Variants in ZFAND2A observed in about 807,000 individuals in gnomAD.
ZFAND2A encodes the protein AN1-type zinc finger protein 2A.
ZFAND2A carries 20 observed loss-of-function variants against 11.6 expected under a neutral mutation model. The observed-to-expected ratio is 1.72, with a 90% CI of 1.21 to 2.50. ZFAND2A has a LOEUF of 2.50. ZFAND2A is among the 30% of genes most tolerant of loss of function. ZFAND2A has a pLI of 0.00. For missense variants in ZFAND2A, 234 were observed against 182.9 expected, an observed-to-expected ratio of 1.28 and a Z score of -1.61; for synonymous variants, 93 against 60.6, an observed-to-expected ratio of 1.54 and a Z score of -2.48.
At chr7:1,157,517 G>T (rs1793556942) in intron 3 of ZFAND2A, 139 bp downstream of exon 3, 1 of 796,018 alleles carries the variant, frequency 1.3e-6, no homozygotes, top group Non-Finnish European at 2.0e-6. Context: ...CTGAAACGAG[G>T]CTAGTGGGAC....
chr7:1,153,224 T>C lies in ZFAND2A; in HGVS notation c.283A>G (p.Ile95Val), dbSNP rs778388013. 1 of 1,610,574 alleles carries C rather than the reference T, an allele frequency of 6.2e-7. No homozygotes were observed. Among genetic ancestry groups the C allele is most frequent in the Admixed American group, 1.7e-5 (1 of 59,948 alleles). Reference sequence around the variant, plus strand: ...TCTTTTGAGCAACGGTATGTAAAAATCTAAGAGAGCAAAGTGACTTCAACA... The same window carrying C: ...TCTTTTGAGCAACGGTATGTAAAAACCTAAGAGAGCAAAGTGACTTCAACA... ...DSHPGKKKEK[I>V]FTYRCSKEGC... The change falls in exon 5 of 5, where the codon ATT (isoleucine) becomes GTT (valine). Residue 95 changes from isoleucine to valine, a missense_variant and splice_region_variant. Ile to Val is a conservative substitution (Grantham distance 29). Transcript: ENST00000316495.
At chr7:1,151,392 G>A (rs1371551649), downstream of ZFAND2A, among the ~76,000 whole-genome samples, 3 of 152,086 alleles carry the variant, frequency 2.0e-5, no homozygotes, top group Non-Finnish European at 4.4e-5. Flanking sequence ...TTCTTGGCCA[G>A]ATAGTCACAT....
At chr7:1,152,332 C>A, downstream of ZFAND2A, 1 of 1,573,820 alleles carries the variant, frequency 6.4e-7, no homozygotes, top group Non-Finnish European at 8.6e-7. Context: ...CAGAGACTGT[C>A]ATGGGTGAGC....
intron 4 of ZFAND2A, among the ~76,000 whole-genome samples, chr7:1,154,222 G>A (rs1157083900): frequency 1.3e-5 from 2 of 149,258 alleles, no homozygotes; most frequent in African/African-American, 2.5e-5. Flanking sequence ...GATGTAGGCA[G>A]CGATATAAAG....
chr7:1,149,705 A>G (rs1206727778), downstream of ZFAND2A, among the ~76,000 whole-genome samples: 2 of 152,220 alleles, frequency 1.3e-5, no homozygotes, highest in African/African-American at 4.8e-5. Flanking sequence ...AAATGCGTGC[A>G]GAGTGCTACT....
rs377100750 is a variant in ZFAND2A at position 1,155,449 on chromosome 7, T to C, written c.282+4A>G. 1.1e-5 allele frequency: 18 copies of C among 1,612,558 alleles called. 1 individual carries two copies. Among genetic ancestry groups the C allele is most frequent in the East Asian group, 2.2e-5 (1 of 44,834 alleles). On this transcript the variant is annotated splice_donor_region_variant and intron_variant, in intron 4 of 4. Transcript: ENST00000316495. ...GAAGGAACTGAGGCGGGCTCTGTCC[T>C]TACCTTCTCTTTCTTCTTCCCAGGG...
chr7:1,150,857 C>T (rs1793384509), downstream of ZFAND2A, among the ~76,000 whole-genome samples: 28 of 150,046 alleles, frequency 1.9e-4, no homozygotes, highest in African/African-American at 6.4e-4. Flanking sequence ...CAAAGCAGCT[C>T]TCGGGCTTGC....
downstream of ZFAND2A, among the ~76,000 whole-genome samples, chr7:1,150,115 A>G (rs1232503279): frequency 6.6e-6 from 1 of 152,054 alleles, no homozygotes; most frequent in Non-Finnish European, 1.5e-5. Flanking sequence ...AATATGTACA[A>G]TTATGTCAAT....
At chr7:1,150,297 C>T (rs1189636509), downstream of ZFAND2A, among the ~76,000 whole-genome samples, 2 of 151,920 alleles carry the variant, frequency 1.3e-5, no homozygotes, top group East Asian at 3.9e-4. Flanking sequence ...AAACCCTTCC[C>T]GTTACATTTT....
intron 2 of ZFAND2A, 66 bp downstream of exon 2, chr7:1,158,092 T>G: frequency 6.7e-7 from 1 of 1,493,412 alleles, no homozygotes; most frequent in Non-Finnish European, 9.3e-7. Flanking sequence ...ATCAGCTAAT[T>G]AACAGAACAG....
chr7:1,154,907 G>C (rs10279766), intron 4 of ZFAND2A, among the ~76,000 whole-genome samples: 41,449 of 151,968 alleles, frequency 0.27, 5,967 homozygotes, highest in African/African-American at 0.37. Context: ...ATCATAAGGT[G>C]AGGAGTTCAA....
rs536443627 is a variant in ZFAND2A at position 1,158,402 on chromosome 7, C to T, written c.-45-145G>A. The T allele has an allele frequency of 1.5e-4, 87 of 576,958 alleles. No homozygotes were observed. In the South Asian group the frequency reaches 1.9e-3, roughly 13 times the overall value. 35.7% of individuals were successfully genotyped at this position (576,958 alleles called of 1,614,324 possible). Reference sequence around the variant, plus strand: ...AGTTTTAGTACAAATACCAGGTGTCCGCCATTCGTAGTCAACCCCATTAAG... The same window carrying T: ...AGTTTTAGTACAAATACCAGGTGTCTGCCATTCGTAGTCAACCCCATTAAG... On this transcript the variant is annotated intron_variant, in intron 1 of 4. Coordinates refer to ENST00000316495, the MANE Select transcript of ZFAND2A (RefSeq NM_182491.4).
intron 1 of ZFAND2A, 117 bp from the exon 2 acceptor site, chr7:1,158,374 T>C (rs978268512): frequency 1.5e-5 from 10 of 659,668 alleles, no homozygotes; most frequent in Admixed American, 2.7e-5. Context: ...GAGCATTCCA[T>C]GGAGTTTTAG....
At chr7:1,156,959 G>A (rs1184513491) in intron 3 of ZFAND2A, 2 of 152,290 alleles carry the variant, frequency 1.3e-5, no homozygotes, top group South Asian at 2.1e-4. Flanking sequence ...AAAATGGCTG[G>A]AGGGTCAGAC....
chr7:1,156,666 A>G (rs1584028479), intron 3 of ZFAND2A, among the ~76,000 whole-genome samples: 1 of 152,272 alleles, frequency 6.6e-6, no homozygotes, highest in South Asian at 2.1e-4. Context: ...TGGAAAGGTC[A>G]ATGAGAAAAC....
downstream of ZFAND2A, chr7:1,152,787 C>T (rs1308844390): frequency 2.4e-5 from 13 of 543,940 alleles, no homozygotes; most frequent in East Asian, 1.4e-4. Flanking sequence ...CTGGCCCTGC[C>T]GACATCCTGC....
intron 1 of ZFAND2A, 34 bp downstream of exon 1, chr7:1,159,930 G>C (rs951318079): frequency 6.0e-6 from 1 of 166,646 alleles, no homozygotes; most frequent in Non-Finnish European, 1.3e-5. Context: ...CCCGACCCCC[G>C]GCAGACCCTG....
At chr7:1,154,271 G>C (rs1361738534) in intron 4 of ZFAND2A, among the ~76,000 whole-genome samples, 1 of 151,850 alleles carries the variant, frequency 6.6e-6, no homozygotes, top group Non-Finnish European at 1.5e-5. Flanking sequence ...AGGCAGTGAG[G>C]AGAGTGGGGA....
downstream of ZFAND2A, among the ~76,000 whole-genome samples, chr7:1,150,773 C>T (rs2128256685): frequency 6.6e-6 from 1 of 152,256 alleles, no homozygotes; most frequent in East Asian, 1.9e-4. Context: ...TCCACTGCTT[C>T]ATCACTGGAC....
Sources: allele counts gnomAD v4.1 joint callset (sites outside exome capture counted in the v4.1 genomes callset), GRCh38; gene constraint gnomAD v4.1.1; transcripts MANE v1.5; gene names NCBI Gene and HGNC (gene_info 2026-07-23, HGNC 2026-07-21).